The following LDB1 variants were observed in gnomAD, a reference collection of about 807,000 sequenced individuals.
The protein encoded by LDB1 is LIM domain binding 1.
LDB1 carries 6 observed loss-of-function variants against 49.7 expected under a neutral mutation model. The ratio of observed to expected loss-of-function variants is 0.12; its 90% CI spans 0.07 to 0.24. The LOEUF (loss-of-function observed/expected upper bound fraction) is 0.24, where lower values mean the gene tolerates loss of function less well. LDB1 is among the 10% of genes least tolerant of loss of function. The probability of loss-of-function intolerance (pLI) is 1.00; values close to 1 mark genes in which losing one functional copy is unlikely to be tolerated. For missense variants in LDB1, 341 were observed against 561.7 expected (o/e 0.61, Z 3.97); for synonymous variants, 233 against 202.0 (o/e 1.15, Z -1.30).
intron 1 of LDB1, among the ~76,000 whole-genome samples, chr10:102,116,981 C>G (rs2068342769): frequency 6.6e-6 from 1 of 151,444 alleles, no homozygotes. Flanking sequence ...CCTAACAGAA[C>G]CCACTGAGAC....
In LDB1 at chr10:102,110,714, G is replaced by A. The variant is rs1291532515; in HGVS notation, c.353-13C>T. Reference sequence around the variant, plus strand: ...GTCCGGCCAATGGCTGTAGAGATGGGACAAACTCTTCAGGACAAAGGGACC... The same window carrying A: ...GTCCGGCCAATGGCTGTAGAGATGGAACAAACTCTTCAGGACAAAGGGACC... On this transcript the variant is annotated splice_polypyrimidine_tract_variant and intron_variant, in intron 5 of 10. Transcript: ENST00000673968. The A allele has an allele frequency of 1.2e-6, 2 of 1,609,808 alleles. No homozygotes were observed. Among genetic ancestry groups the A allele is most frequent in the Non-Finnish European group, 1.7e-6 (2 of 1,177,324 alleles).
Position 102,107,740 on chromosome 10 carries a change from C to T in LDB1, c.*353G>A. The T allele has an allele frequency of 3.0e-6, 1 of 332,042 alleles. No homozygotes were observed. Among genetic ancestry groups the T allele is most frequent in the South Asian group, 3.5e-5 (1 of 28,856 alleles). 20.6% of individuals were successfully genotyped at this position (332,042 alleles called of 1,614,324 possible). On this transcript the variant is annotated 3_prime_UTR_variant, in exon 11 of 11. Transcript: ENST00000673968. Reference sequence around the variant, plus strand: ...CTAAGGGCTGTGGGTATAGACAACCCCAGGCTTGAAAGGGGTAAAGTCAGG... The same window carrying T: ...CTAAGGGCTGTGGGTATAGACAACCTCAGGCTTGAAAGGGGTAAAGTCAGG...
At chr10:102,114,597 C>T in intron 1 of LDB1, 1 of 984,938 alleles carries the variant, frequency 1.0e-6, no homozygotes, top group Non-Finnish European at 1.2e-6. Context: ...GCCCGCCCCG[C>T]GGCGGCCGCT....
intron 1 of LDB1, among the ~76,000 whole-genome samples, chr10:102,116,049 A>G (rs529942772): frequency 4.3e-4 from 66 of 152,274 alleles, no homozygotes; most frequent in Non-Finnish European, 2.5e-4. Context: ...ACATAACTCC[A>G]AGGACAGGAT....
rs778875863 is a variant in LDB1 at position 102,111,163 on chromosome 10, A to G, written c.174-19T>C. ...GTGCCTCCTGGAGGAAGTGAAGGAG[A>G]GAGGTCAGTAGGAGCGGAGCCTGCC... On this transcript the variant is annotated intron_variant, in intron 3 of 10. Coordinates refer to ENST00000673968, the MANE Select transcript of LDB1 (RefSeq NM_001113407.3). 15 of 1,612,764 alleles carry G rather than the reference A, an allele frequency of 9.3e-6. No individual in the cohort carries two copies. The South Asian group carries it at 1.6e-4, about 18-fold the overall frequency.
rs2068214878 is a variant in LDB1 at position 102,109,265 on chromosome 10, G to A, written c.857-88C>T. ...CTCCCAAGGAGCATGAGCCTGCCCT[G>A]ATCCCAATTTTGTAGACCCGGGAAC... On this transcript the variant is annotated intron_variant, in intron 9 of 10. Transcript: ENST00000673968. This position sits in a 1 kb window ranked among gnomAD's most constrained non-coding sequence, Gnocchi z 5.8. 1 of 1,604,286 alleles carries A rather than the reference G, an allele frequency of 6.2e-7. No homozygotes were observed. Among genetic ancestry groups the A allele is most frequent in the Non-Finnish European group, 8.5e-7 (1 of 1,174,920 alleles).
In LDB1 at chr10:102,120,127, T is replaced by A. The variant is rs2068397664; in HGVS notation, c.-17A>T. On this transcript the variant is annotated 5_prime_UTR_variant, in exon 1 of 11. Coordinates refer to ENST00000673968, the MANE Select transcript of LDB1 (RefSeq NM_001113407.3). ...CACTGACATCTTCACATCGCCCGCCTCTGGGGGCCCAGCCGAGTCACGGTG... is the reference window on the plus strand; with the variant it reads ...CACTGACATCTTCACATCGCCCGCCACTGGGGGCCCAGCCGAGTCACGGTG... 2.2e-6 allele frequency: 3 copies of A among 1,337,736 alleles called. No individual in the cohort carries two copies. Among genetic ancestry groups the A allele is most frequent in the Non-Finnish European group, 2.9e-6 (3 of 1,030,748 alleles). The allele number at this position is 1,337,736 out of a possible 1,614,324, so 82.9% of individuals were successfully genotyped here.
At position 102,109,569 on chromosome 10, in the gene LDB1, T is replaced by C; in HGVS notation, c.732+31A>G. On this transcript the variant is annotated intron_variant, in intron 8 of 10. Coordinates refer to ENST00000673968, the MANE Select transcript of LDB1 (RefSeq NM_001113407.3). This position sits in a 1 kb window ranked among gnomAD's most constrained non-coding sequence, Gnocchi z 5.8. ...GACATGGAGCCGAGACTAAATGGAC[T>C]GGGGCAGAAACTGGGTGGTCGGAGA... is the stretch of plus-strand genomic sequence containing the variant. 1 of 1,613,928 alleles carries C rather than the reference T, an allele frequency of 6.2e-7. No individual in the cohort carries two copies. The highest frequency in any genetic ancestry group is 8.5e-7 in the Non-Finnish European group (1 of 1,179,930).
chr10:102,108,770 T>C (rs558249207), intron 10 of LDB1, among the ~76,000 whole-genome samples: 2 of 152,228 alleles, frequency 1.3e-5, no homozygotes, highest in African/African-American at 4.8e-5. Context: ...CCAAGCTGTC[T>C]GTCCTGAATA....
In LDB1 at chr10:102,109,571, G is replaced by C; in HGVS notation, c.732+29C>G. ...CATGGAGCCGAGACTAAATGGACTGGGGCAGAAACTGGGTGGTCGGAGACT... is the reference window on the plus strand; with the variant it reads ...CATGGAGCCGAGACTAAATGGACTGCGGCAGAAACTGGGTGGTCGGAGACT... On this transcript the variant is annotated intron_variant, in intron 8 of 10. Transcript: ENST00000673968. This position sits in a 1 kb window ranked among gnomAD's most constrained non-coding sequence, Gnocchi z 5.8. 6.2e-7 allele frequency: 1 copy of C among 1,614,058 alleles called. No individual in the cohort carries two copies. The highest frequency in any genetic ancestry group is 8.5e-7 in the Non-Finnish European group (1 of 1,179,966).
At chr10:102,108,366 T>C in intron 10 of LDB1, 43 bp from the exon 11 acceptor site, 1 of 1,538,422 alleles carries the variant, frequency 6.5e-7, no homozygotes, top group Non-Finnish European at 8.9e-7. Context: ...GGGCAAGGGC[T>C]CGCCCGGCCC....
chr10:102,109,565 G>A lies in LDB1; in HGVS notation c.732+35C>T. 1 of 1,614,040 alleles carries A rather than the reference G, an allele frequency of 6.2e-7. No individual in the cohort carries two copies. The highest frequency in any genetic ancestry group is 8.5e-7 in the Non-Finnish European group (1 of 1,179,938). On this transcript the variant is annotated intron_variant, in intron 8 of 10. Coordinates refer to ENST00000673968, the MANE Select transcript of LDB1 (RefSeq NM_001113407.3). This position sits in a 1 kb window ranked among gnomAD's most constrained non-coding sequence, Gnocchi z 5.8. Reference sequence around the variant, plus strand: ...GACAGACATGGAGCCGAGACTAAATGGACTGGGGCAGAAACTGGGTGGTCG... The same window carrying A: ...GACAGACATGGAGCCGAGACTAAATAGACTGGGGCAGAAACTGGGTGGTCG...
upstream of LDB1, chr10:102,120,498 G>A (rs1359396828): frequency 1.4e-5 from 7 of 485,620 alleles, no homozygotes; most frequent in Admixed American, 1.9e-4. Context: ...AGCCCAAGCC[G>A]GGCAGGGCCG....
chr10:102,114,987 G>C (rs1024420041), intron 1 of LDB1: 9 of 368,930 alleles, frequency 2.4e-5, no homozygotes, highest in African/African-American at 4.4e-5. Flanking sequence ...CGCTCTCTCC[G>C]AGCCTCTCTC....
At position 102,117,612 on chromosome 10, in the gene LDB1, C is replaced by G. The variant is rs2068351076; in HGVS notation, c.25+2474G>C. Among the ~76,000 whole-genome samples, 1 of 152,092 alleles carries G rather than the reference C, an allele frequency of 6.6e-6. No homozygotes were observed. The highest frequency in any genetic ancestry group is 6.5e-5 in the Admixed American group (1 of 15,282). On this transcript the variant is annotated intron_variant, in intron 1 of 10. Transcript: ENST00000673968. This position sits in a 1 kb window ranked among gnomAD's most constrained non-coding sequence, Gnocchi z 4.2. Reference sequence around the variant, plus strand: ...CCCTTCCTTTGTCTGTGCCCGGCCTCCCGTTGGCCTGGCGCTCTGCCATCC... The same window carrying G: ...CCCTTCCTTTGTCTGTGCCCGGCCTGCCGTTGGCCTGGCGCTCTGCCATCC...
In LDB1 at chr10:102,110,556, G is replaced by C. The variant is rs947319104; in HGVS notation, c.498C>G (p.Thr166=). The C allele has an allele frequency of 6.2e-7, 1 of 1,613,464 alleles. No homozygotes were observed. The highest frequency in any genetic ancestry group is 8.5e-7 in the Non-Finnish European group (1 of 1,179,662). The part of the protein sequence containing the change: ...SLDCDQGSMV[T]QHGKPMFTQV... ...GGGTGAACATGGGCTTGCCATGCTGGGTCACCATGCTGCCCTGGTCACAGT... is the reference window on the plus strand; with the variant it reads ...GGGTGAACATGGGCTTGCCATGCTGCGTCACCATGCTGCCCTGGTCACAGT... The change falls in exon 6 of 11, where the codon ACC becomes ACG. Residue 166 remains threonine, a synonymous_variant. Coordinates refer to ENST00000673968, the MANE Select transcript of LDB1 (RefSeq NM_001113407.3).
chr10:102,121,255 C>A (rs1488552582), upstream of LDB1, among the ~76,000 whole-genome samples: 1 of 152,120 alleles, frequency 6.6e-6, no homozygotes, highest in Non-Finnish European at 1.5e-5. Flanking sequence ...CCCTTCCCCC[C>A]TTTCTCCAGC....
intron 1 of LDB1, among the ~76,000 whole-genome samples, chr10:102,118,525 C>T (rs1186579587): frequency 6.6e-6 from 1 of 152,230 alleles, no homozygotes; most frequent in African/African-American, 2.4e-5. Flanking sequence ...CCCAGGCACC[C>T]TGCCCCAACT....
chr10:102,119,274 C>G (rs1564917823), intron 1 of LDB1, among the ~76,000 whole-genome samples: 1 of 152,092 alleles, frequency 6.6e-6, no homozygotes, highest in Non-Finnish European at 1.5e-5. Context: ...CTCTTTCCTC[C>G]TGGCAGTGAG....
Sources: gnomAD v4.1 joint callset for allele counts (sites outside exome capture counted in the v4.1 genomes callset) on GRCh38, gnomAD v4.1.1 for gene constraint, Gnocchi (gnomAD v3.1) non-coding constraint, MANE v1.5 for transcripts, NCBI Gene and HGNC (gene_info 2026-07-23, HGNC 2026-07-21) for gene names.